Variants in TMEM74 observed in about 807,000 individuals in gnomAD.
The protein encoded by TMEM74 is transmembrane protein 74.
TMEM74 carries 13 observed loss-of-function variants against 18.1 expected under a neutral mutation model. The observed-to-expected ratio is 0.72, with a 90% CI of 0.47 to 1.14. The LOEUF (loss-of-function observed/expected upper bound fraction) is 1.14, where lower values mean the gene tolerates loss of function less well. Among genes scored for constraint, TMEM74 ranks in the 50% most tolerant of loss-of-function variants. The pLI is 0.00. For missense variants in TMEM74, 372 were observed against 375.9 expected (o/e 0.99, Z 0.09); for synonymous variants, 159 against 146.6 (o/e 1.08, Z -0.61).
intron 1 of TMEM74, among the ~76,000 whole-genome samples, chr8:108,669,598 T>C (rs1812982623): frequency 6.6e-6 from 1 of 152,094 alleles, no homozygotes; most frequent in African/African-American, 2.4e-5. Flanking sequence ...TGTTTTCAAA[T>C]TTTAATAAGA....
At chr8:108,703,183 C>A (rs1255751496) in intron 1 of TMEM74, among the ~76,000 whole-genome samples, 1 of 152,166 alleles carries the variant, frequency 6.6e-6, no homozygotes, top group Non-Finnish European at 1.5e-5. Context: ...ATCAAGGCTA[C>A]CCTTAAGGAA....
intron 2 of TMEM74, among the ~76,000 whole-genome samples, chr8:108,651,233 T>C (rs1812771772): frequency 6.6e-6 from 1 of 152,196 alleles, no homozygotes; most frequent in Non-Finnish European, 1.5e-5. Flanking sequence ...TGGAATATAG[T>C]AGAACTTCAG....
At chr8:108,651,356 A>G (rs928643596) in intron 2 of TMEM74, among the ~76,000 whole-genome samples, 19 of 152,208 alleles carry the variant, frequency 1.2e-4, no homozygotes, top group Admixed American at 1.2e-3. Context: ...TATTCTCAGA[A>G]TTTCCTGTGT....
At position 108,705,179 on chromosome 8, in the gene TMEM74, T is replaced by C. The variant is rs1813385124; in HGVS notation, n.120-49742A>G. Among the ~76,000 whole-genome samples the C allele has an allele frequency of 3.3e-5, 5 of 152,180 alleles. No individual in the cohort carries two copies. In the South Asian group the frequency reaches 1.0e-3, roughly 32 times the overall value. On this transcript the variant is annotated intron_variant and non_coding_transcript_variant, in intron 1 of 3. Coordinates refer to the TMEM74 transcript ENST00000518838. ...TCTTTACTGAGTATCTGTGTCAGCT[T>C]GTGATTAGCAGACTCTATAGGGTGT...
chr8:108,711,433 A>C (rs1813474591), intron 1 of TMEM74, among the ~76,000 whole-genome samples: 1 of 152,252 alleles, frequency 6.6e-6, no homozygotes. Flanking sequence ...GTGTTAGCAC[A>C]GGTGCCACCT....
intron 1 of TMEM74, among the ~76,000 whole-genome samples, chr8:108,690,982 G>A (rs1363318993): frequency 6.6e-6 from 1 of 152,176 alleles, no homozygotes; most frequent in Admixed American, 6.5e-5. Flanking sequence ...TGGAGGCTGG[G>A]TTTAAACCAA....
At chr8:108,739,355 C>T (rs1180534891) in intron 1 of TMEM74, among the ~76,000 whole-genome samples, 1 of 152,126 alleles carries the variant, frequency 6.6e-6, no homozygotes, top group Non-Finnish European at 1.5e-5. Context: ...TGTGATAACG[C>T]TTCTGTAGAA....
intron 1 of TMEM74, among the ~76,000 whole-genome samples, chr8:108,695,518 T>A (rs991942712): frequency 2.0e-5 from 3 of 152,194 alleles, no homozygotes; most frequent in Non-Finnish European, 4.4e-5. Flanking sequence ...ACAATTTTTA[T>A]TACCATAACA....
intron 2 of TMEM74, among the ~76,000 whole-genome samples, chr8:108,646,020 T>C (rs1237779892): frequency 6.6e-6 from 1 of 152,024 alleles, no homozygotes; most frequent in African/African-American, 2.4e-5. Context: ...GAGACAATTA[T>C]AAAATTATTT....
downstream of TMEM74, among the ~76,000 whole-genome samples, chr8:108,778,418 G>A (rs775451331): frequency 5.9e-5 from 9 of 152,174 alleles, no homozygotes; most frequent in Non-Finnish European, 1.0e-4. Flanking sequence ...GTCATATAGC[G>A]AGAGACTGTG....
chr8:108,616,902 T>A (rs528153354), intron 2 of TMEM74, among the ~76,000 whole-genome samples: 3 of 152,044 alleles, frequency 2.0e-5, no homozygotes, highest in Admixed American at 1.3e-4. Context: ...TGGAGTTGGT[T>A]AATGTCATCT....
chr8:108,738,269 G>C (rs1170412552), intron 1 of TMEM74, among the ~76,000 whole-genome samples: 1 of 152,138 alleles, frequency 6.6e-6, no homozygotes, highest in Non-Finnish European at 1.5e-5. Context: ...CCTCCACCTA[G>C]GATGTATGAT....
intron 1 of TMEM74, among the ~76,000 whole-genome samples, chr8:108,697,972 A>ACCCTGAGTGCCTGCCCTGAGTGCCTG (rs1813297081): frequency 6.6e-6 from 1 of 151,968 alleles, no homozygotes; most frequent in African/African-American, 2.4e-5. Flanking sequence ...ATCACCCTTT[A>ACCCTGAGTGCCTGCCCTGAGTGCCTG]CCCTGAGTGC....
intron 1 of TMEM74, among the ~76,000 whole-genome samples, chr8:108,748,380 T>C (rs1161667739): frequency 1.3e-5 from 2 of 152,208 alleles, no homozygotes; most frequent in Non-Finnish European, 1.5e-5. Flanking sequence ...GAAGTGTCTA[T>C]TTATGTCCTT....
At chr8:108,692,777 A>G (rs1246607293) in intron 1 of TMEM74, among the ~76,000 whole-genome samples, 5 of 152,216 alleles carry the variant, frequency 3.3e-5, no homozygotes, top group Non-Finnish European at 5.9e-5. Context: ...GTCACAATGA[A>G]TGGTACCACC....
intron 2 of TMEM74, among the ~76,000 whole-genome samples, chr8:108,617,558 G>A (rs1273551677): frequency 6.6e-6 from 1 of 152,032 alleles, no homozygotes; most frequent in Non-Finnish European, 1.5e-5. Flanking sequence ...GCTTTTGAAG[G>A]CTTCTTGGTT....
intron 1 of TMEM74, among the ~76,000 whole-genome samples, chr8:108,710,704 C>T (rs749088160): frequency 2.6e-5 from 4 of 152,172 alleles, no homozygotes; most frequent in African/African-American, 4.8e-5. Flanking sequence ...TCTCTCTTGC[C>T]GTCAGGGTCA....
intron 2 of TMEM74, among the ~76,000 whole-genome samples, chr8:108,620,985 A>G (rs1240304480): frequency 6.6e-6 from 1 of 152,204 alleles, no homozygotes; most frequent in Non-Finnish European, 1.5e-5. Flanking sequence ...TGCTGCTCCC[A>G]TGATGCCTGG....
At chr8:108,619,697 C>T (rs757490397) in intron 2 of TMEM74, among the ~76,000 whole-genome samples, 23 of 152,306 alleles carry the variant, frequency 1.5e-4, no homozygotes, top group South Asian at 4.1e-4. Flanking sequence ...GAGTCCAGCC[C>T]TCATGTCCCA....
Sources: allele counts gnomAD v4.1 joint callset (sites outside exome capture counted in the v4.1 genomes callset), GRCh38; gene constraint gnomAD v4.1.1; transcripts MANE v1.5; gene names NCBI Gene and HGNC (gene_info 2026-07-23, HGNC 2026-07-21).